Variants in EPHB1 observed in about 807,000 individuals in gnomAD.
EPHB1 encodes the protein EPH receptor B1.
In EPHB1, 30 loss-of-function variants were observed where a neutral mutation model predicts 94.4. The ratio of observed to expected loss-of-function variants is 0.32; its 90% CI spans 0.24 to 0.43. EPHB1 has a LOEUF of 0.43. Ranked by LOEUF, EPHB1 falls within the 20% of genes least tolerant of loss-of-function variation. The pLI is 1.00. For synonymous variants in EPHB1, 522 were observed against 489.1 expected (o/e 1.07, Z -0.89); for missense variants, 1,055 against 1,308.3 (o/e 0.81, Z 2.99).
Position 135,154,330 on chromosome 3 carries a change from T to C in EPHB1, c.1422+54T>C, listed in dbSNP as rs542598205. On this transcript the variant is annotated intron_variant, in intron 6 of 15. Coordinates refer to ENST00000398015, the MANE Select transcript of EPHB1 (RefSeq NM_004441.5). Reference sequence around the variant, plus strand: ...AGACCCAAGGCCAGCCACTGTTCCATGGATGGTTGCTAGCTGAAGGCACAA... The same window carrying C: ...AGACCCAAGGCCAGCCACTGTTCCACGGATGGTTGCTAGCTGAAGGCACAA... 1.9e-6 allele frequency: 3 copies of C among 1,608,538 alleles called. No homozygotes were observed. The South Asian group carries it at 3.3e-5, about 18-fold the overall frequency.
intron 3 of EPHB1, among the ~76,000 whole-genome samples, chr3:134,979,116 A>G (rs1480484438): frequency 1.3e-5 from 2 of 152,238 alleles, no homozygotes; most frequent in African/African-American, 4.8e-5. Flanking sequence ...TCTTTGGGGA[A>G]ATAATTACTC....
chr3:135,032,624 C>T (rs752774265), intron 3 of EPHB1, among the ~76,000 whole-genome samples: 3 of 152,092 alleles, frequency 2.0e-5, no homozygotes, highest in East Asian at 1.9e-4. Flanking sequence ...ATGTGAGTGG[C>T]GGGGGCTGAT....
intron 2 of EPHB1, among the ~76,000 whole-genome samples, chr3:134,942,687 G>A (rs1419792774): frequency 6.6e-6 from 1 of 152,198 alleles, no homozygotes; most frequent in Non-Finnish European, 1.5e-5. Flanking sequence ...TCGAAGCCTT[G>A]TATATGGATG....
chr3:134,857,229 T>C (rs900890822), intron 1 of EPHB1, among the ~76,000 whole-genome samples: 2 of 152,170 alleles, frequency 1.3e-5, no homozygotes, highest in Non-Finnish European at 2.9e-5. Flanking sequence ...TTCTTTGTGC[T>C]CAGCCCCTGT....
chr3:134,959,980 T>TGCA (rs1476436460), intron 3 of EPHB1, among the ~76,000 whole-genome samples: 1 of 25,878 alleles, frequency 3.9e-5, no homozygotes, highest in Non-Finnish European at 7.4e-5. Context: ...TTTTTTTTTT[T>TGCA]TTTTTTTTTT....
At chr3:135,014,988 G>T (rs969374583) in intron 3 of EPHB1, among the ~76,000 whole-genome samples, 12 of 152,136 alleles carry the variant, frequency 7.9e-5, no homozygotes, top group African/African-American at 2.9e-4. Context: ...CCTGTCTTTA[G>T]GAACAAAAGG....
chr3:134,889,760 C>T (rs1275940452), intron 1 of EPHB1, among the ~76,000 whole-genome samples: 3 of 151,778 alleles, frequency 2.0e-5, no homozygotes, highest in Non-Finnish European at 2.9e-5. Context: ...TTGCTGCAAG[C>T]GCCGCCTTCC....
intron 2 of EPHB1, among the ~76,000 whole-genome samples, chr3:134,946,656 G>A (rs577816901): frequency 2.6e-5 from 4 of 152,284 alleles, no homozygotes; most frequent in Admixed American, 2.6e-4. Flanking sequence ...CATGGCAGGG[G>A]ATCCCTCATG....
intron 1 of EPHB1, among the ~76,000 whole-genome samples, chr3:134,888,817 G>A (rs2037909398): frequency 6.6e-6 from 1 of 152,134 alleles, no homozygotes; most frequent in Non-Finnish European, 1.5e-5. Flanking sequence ...GTGGCACCAT[G>A]TGCTGGGCAC....
chr3:135,043,463 A>G (rs1936911227), intron 3 of EPHB1, among the ~76,000 whole-genome samples: 1 of 152,054 alleles, frequency 6.6e-6, no homozygotes, highest in African/African-American at 2.4e-5. Context: ...TGTGGGCCCG[A>G]TGCCTTCCTG....
chr3:135,161,996 C>T (rs1222514439), intron 6 of EPHB1, 22 bp from the exon 7 acceptor site: 1 of 1,593,232 alleles, frequency 6.3e-7, no homozygotes, highest in South Asian at 1.2e-5. Flanking sequence ...GGATAGTGAC[C>T]CTTTCCCTTG....
chr3:134,891,125 A>G (rs2037973768), intron 1 of EPHB1, among the ~76,000 whole-genome samples: 1 of 152,142 alleles, frequency 6.6e-6, no homozygotes, highest in South Asian at 2.1e-4. Flanking sequence ...ATTTTTTTTA[A>G]GACAGGGTCT....
In EPHB1 at chr3:135,165,999, G is replaced by T. The variant is rs1405056830; in HGVS notation, c.1617G>T (p.Leu539=). 6.2e-7 allele frequency: 1 copy of T among 1,613,974 alleles called. No homozygotes were observed. The highest frequency in any genetic ancestry group is 1.1e-5 in the South Asian group (1 of 91,080). ...DDYKSELREQ[L]PLIAGSAAAG... is the part of the protein sequence containing the mutation. ...ACAAGTCAGAGCTGAGGGAGCAGCT[G>T]CCCCTGATTGCTGGCTCGGCAGCGG... Residue 539 remains leucine (L), a synonymous_variant, in exon 8 of 16, where the codon CTG becomes CTT. Transcript: ENST00000398015.
At chr3:134,859,266 G>A (rs2037191718) in intron 1 of EPHB1, among the ~76,000 whole-genome samples, 1 of 152,154 alleles carries the variant, frequency 6.6e-6, no homozygotes, top group Non-Finnish European at 1.5e-5. Context: ...GTTTGATGGT[G>A]ACCGACCGGC....
chr3:135,106,466 T>A lies in EPHB1; in HGVS notation c.824T>A (p.Phe275Tyr). The A allele has an allele frequency of 1.2e-6, 2 of 1,613,982 alleles. No individual in the cohort carries two copies. The highest frequency in any genetic ancestry group is 1.7e-6 in the Non-Finnish European group (2 of 1,179,886). ...GTTCTAGCTTGCCCTGCAGGGACAT[T>A]CAAGGCCAGCCAGGAAGCTGAAGGC... The part of the protein sequence containing the change: ...VACKACPAGT[F>Y]KASQEAEGCS... Residue 275 changes from phenylalanine to tyrosine, a missense_variant, in exon 4 of 16, where the codon TTC becomes TAC. Physicochemically the swap from Phe to Tyr is conservative, Grantham distance 22 (BLOSUM62 3). Transcript: ENST00000398015.
intron 5 of EPHB1, among the ~76,000 whole-genome samples, chr3:135,146,471 G>A (rs918322368): frequency 1.3e-5 from 2 of 152,200 alleles, no homozygotes; most frequent in African/African-American, 4.8e-5. Flanking sequence ...GGAGCATCGG[G>A]GGCTCCTGGG....
intron 4 of EPHB1, among the ~76,000 whole-genome samples, chr3:135,129,817 G>A (rs1940356364): frequency 6.6e-6 from 1 of 152,156 alleles, no homozygotes; most frequent in Non-Finnish European, 1.5e-5. Context: ...TTGATACAGA[G>A]GGAAAAGAAC....
At chr3:135,068,640 G>A (rs1044759411) in intron 3 of EPHB1, among the ~76,000 whole-genome samples, 12 of 149,316 alleles carry the variant, frequency 8.0e-5, no homozygotes, top group Non-Finnish European at 5.9e-5. Flanking sequence ...AGGCACAGAA[G>A]TTTTTAATTT....
chr3:135,232,351 G>T (rs765227221), intron 12 of EPHB1, among the ~76,000 whole-genome samples: 3 of 152,226 alleles, frequency 2.0e-5, no homozygotes, highest in Non-Finnish European at 4.4e-5. Context: ...GCAGGGGTGT[G>T]CCACATGGAT....
Sources: gnomAD v4.1 joint callset for allele counts (sites outside exome capture counted in the v4.1 genomes callset) on GRCh38, gnomAD v4.1.1 for gene constraint, MANE v1.5 for transcripts, NCBI Gene and HGNC (gene_info 2026-07-23, HGNC 2026-07-21) for gene names.